The following TRMT44 variants were observed in gnomAD, a reference collection of about 807,000 sequenced individuals.
TRMT44 encodes the protein tRNA methyltransferase 44 homolog.
A neutral mutation model predicts 77.3 loss-of-function variants in TRMT44; 78 were observed. The observed-to-expected ratio is 1.01, with a 90% CI of 0.84 to 1.22. The LOEUF (loss-of-function observed/expected upper bound fraction) is 1.22. TRMT44 is among the 50% of genes most tolerant of loss of function. The pLI, the probability that TRMT44 is intolerant of heterozygous loss-of-function variation, is 0.00. For missense variants in TRMT44, 1,090 were observed against 964.4 expected, an observed-to-expected ratio of 1.13 and a Z score of -1.73; for synonymous variants, 391 against 383.3, an observed-to-expected ratio of 1.02 and a Z score of -0.23.
the TRMT44 span, among the ~76,000 whole-genome samples, chr4:8,511,643 G>C: frequency 6.6e-6 from 1 of 151,922 alleles, no homozygotes; most frequent in Admixed American, 6.6e-5. Context: ...TTTGGAATTC[G>C]GCTCAATCAA....
At chr4:8,491,830 C>A (rs1228732517) in intron 2 of TRMT44, among the ~76,000 whole-genome samples, 2 of 152,236 alleles carry the variant, frequency 1.3e-5, no homozygotes, top group African/African-American at 4.8e-5. Context: ...CCAGCTGTGG[C>A]CTTGGCCAGC....
the TRMT44 span, among the ~76,000 whole-genome samples, chr4:8,512,800 G>A: frequency 3.3e-5 from 5 of 152,284 alleles, no homozygotes; most frequent in South Asian, 1.0e-3. Context: ...ATCACCGAGT[G>A]TCTATGCTTG....
intron 8 of TRMT44, among the ~76,000 whole-genome samples, chr4:8,466,879 T>G (rs1423160351): frequency 6.6e-6 from 1 of 152,160 alleles, no homozygotes; most frequent in Non-Finnish European, 1.5e-5. Flanking sequence ...GGGGACTGGG[T>G]GTGTGACAGG....
chr4:8,515,797 G>A, the TRMT44 span, among the ~76,000 whole-genome samples: 3 of 152,208 alleles, frequency 2.0e-5, no homozygotes, highest in Non-Finnish European at 4.4e-5. Flanking sequence ...TCCCCAGTGC[G>A]GGGTGACATG....
chr4:8,498,363 C>T (rs1728210356), downstream of TRMT44, among the ~76,000 whole-genome samples: 1 of 152,144 alleles, frequency 6.6e-6, no homozygotes, highest in Non-Finnish European at 1.5e-5. The surrounding 1 kb of genome is among the most constrained non-coding windows in gnomAD (Gnocchi z 4.3). Context: ...TAAAGAAATA[C>T]CCAAGACTGG....
At chr4:8,503,284 C>G in the TRMT44 span, among the ~76,000 whole-genome samples, 44 of 152,362 alleles carry the variant, frequency 2.9e-4, no homozygotes, top group African/African-American at 9.6e-4. Context: ...CAAGCTGTCC[C>G]CTACAGCCCC....
chr4:8,468,156 C>T lies in TRMT44; in HGVS notation c.1737C>T (p.Pro579=). ...RAWAAEHGAG[P]QAEGPWLPGF... is the part of the protein sequence containing the mutation. ...GGGCCGCTGAGCATGGAGCAGGGCC[C>T]CAGGCTGAAGGACCCTGGCTACCTG... Residue 579 remains proline, a synonymous_variant, in exon 9 of 11, where the codon CCC becomes CCT. Transcript: ENST00000389737. The T allele has an allele frequency of 1.2e-6, 2 of 1,614,018 alleles. No individual in the cohort carries two copies. Among genetic ancestry groups the T allele is most frequent in the South Asian group, 2.2e-5 (2 of 91,068 alleles).
At chr4:8,484,599 C>T (rs1446029619) in intron 2 of TRMT44, among the ~76,000 whole-genome samples, 1 of 152,160 alleles carries the variant, frequency 6.6e-6, no homozygotes, top group Non-Finnish European at 1.5e-5. Flanking sequence ...ACTGCACAGC[C>T]CTGCACTTCA....
At chr4:8,471,933 G>A (rs1002209898) in intron 10 of TRMT44, among the ~76,000 whole-genome samples, 5 of 152,198 alleles carry the variant, frequency 3.3e-5, no homozygotes, top group East Asian at 1.9e-4. Context: ...GTGCACAGAG[G>A]GGGCAGGAAC....
chr4:8,477,840 G>A (rs914546379), downstream of TRMT44: 2 of 152,548 alleles, frequency 1.3e-5, no homozygotes, highest in Admixed American at 1.3e-4. Context: ...CCACAAAGGG[G>A]CTTGGGGCGA....
chr4:8,469,177 C>T (rs1034190981), intron 9 of TRMT44, among the ~76,000 whole-genome samples: 10 of 152,334 alleles, frequency 6.6e-5, no homozygotes, highest in African/African-American at 2.4e-4. Context: ...TGGGATGGGA[C>T]CGGGCCATGG....
At chr4:8,513,281 G>A in the TRMT44 span, among the ~76,000 whole-genome samples, 1 of 152,192 alleles carries the variant, frequency 6.6e-6, no homozygotes, top group Non-Finnish European at 1.5e-5. Context: ...TACATGGCTG[G>A]CAGCAGGCAA....
chr4:8,475,250 G>A (rs544500453), intron 10 of TRMT44, among the ~76,000 whole-genome samples: 3 of 152,320 alleles, frequency 2.0e-5, no homozygotes, highest in South Asian at 2.1e-4. Flanking sequence ...CTCAGAGGTC[G>A]GGGCTGCAGC....
intron 2 of TRMT44, among the ~76,000 whole-genome samples, chr4:8,447,441 A>G (rs1211878301): frequency 6.6e-6 from 1 of 152,176 alleles, no homozygotes; most frequent in East Asian, 1.9e-4. Context: ...TTTCCGAAAC[A>G]GTCTTGGGGA....
At chr4:8,462,898 GAATA>G (rs1232951578) in intron 6 of TRMT44, among the ~76,000 whole-genome samples, 20 of 152,312 alleles carry the variant, frequency 1.3e-4, no homozygotes, top group African/African-American at 4.1e-4. Flanking sequence ...TGGGAATCAA[GAATA>G]AATAGTCCCA....
intron 6 of TRMT44, among the ~76,000 whole-genome samples, chr4:8,463,015 CAGAG>C (rs369504927): frequency 6.6e-6 from 1 of 152,150 alleles, no homozygotes. Context: ...ATTGAAGAAC[CAGAG>C]AGAGACAGAA....
chr4:8,465,325 T>C, intron 7 of TRMT44, 53 bp from the exon 8 acceptor site: 1 of 1,528,794 alleles, frequency 6.5e-7, no homozygotes, highest in Non-Finnish European at 8.8e-7. Flanking sequence ...CGAATTTCCT[T>C]GACTGCGTCT....
chr4:8,499,591 GATTTAGTGTGT>G, the TRMT44 span, among the ~76,000 whole-genome samples: 1 of 41,756 alleles, frequency 2.4e-5, no homozygotes, highest in Non-Finnish European at 5.3e-5. Flanking sequence ...CCTGAGGGTC[GATTTAGTGTGT>G]CCTGAGGGTC....
At chr4:8,499,320 C>A in the TRMT44 span, among the ~76,000 whole-genome samples, 1 of 152,118 alleles carries the variant, frequency 6.6e-6, no homozygotes, top group Non-Finnish European at 1.5e-5. Flanking sequence ...AAGGTGACCC[C>A]AGCCCCTGAG....
Sources: allele counts gnomAD v4.1 joint callset (sites outside exome capture counted in the v4.1 genomes callset), GRCh38; gene constraint gnomAD v4.1.1; non-coding constraint Gnocchi (gnomAD v3.1); transcripts MANE v1.5; gene names NCBI Gene and HGNC (gene_info 2026-07-23, HGNC 2026-07-21).